The following AKAP6 variants were observed in gnomAD, a reference collection of about 807,000 sequenced individuals.
AKAP6 encodes A-kinase anchor protein 6.
In AKAP6, 58 loss-of-function variants were observed where a neutral mutation model predicts 188.5. The observed-to-expected ratio is 0.31, with a 90% confidence interval of 0.25 to 0.38. AKAP6 has a LOEUF of 0.38. Ranked by LOEUF, AKAP6 falls within the 10% of genes least tolerant of loss-of-function variation. The pLI, the probability that AKAP6 is intolerant of heterozygous loss-of-function variation, is 1.00. For missense variants in AKAP6, 2,710 were observed against 2,740.0 expected, an observed-to-expected ratio of 0.99 and a Z score of 0.24; for synonymous variants, 989 against 998.6, an observed-to-expected ratio of 0.99 and a Z score of 0.18.
chr14:32,442,542 T>A (rs890717304), intron 2 of AKAP6: 3 of 151,778 alleles, frequency 2.0e-5, no homozygotes, highest in African/African-American at 7.3e-5. Context: ...AGGCTGGAAA[T>A]GGAGCAGGTC....
chr14:32,584,026 C>T (rs552256391), intron 5 of AKAP6, among the ~76,000 whole-genome samples: 7 of 152,310 alleles, frequency 4.6e-5, no homozygotes, highest in East Asian at 1.9e-4. Flanking sequence ...GAGATGAACC[C>T]GGTGCCTCAG....
chr14:32,549,015 A>G (rs1051896834), intron 4 of AKAP6, among the ~76,000 whole-genome samples: 8 of 152,198 alleles, frequency 5.3e-5, no homozygotes, highest in African/African-American at 1.9e-4. Context: ...AACCTGGAGG[A>G]AGAAAATGCA....
chr14:32,653,527 T>C (rs1311220801), intron 7 of AKAP6, among the ~76,000 whole-genome samples: 1 of 152,120 alleles, frequency 6.6e-6, no homozygotes, highest in Non-Finnish European at 1.5e-5. Context: ...TCCACCATGA[T>C]TGTAAGTTTC....
At chr14:32,537,936 G>A (rs1047726351) in intron 3 of AKAP6, among the ~76,000 whole-genome samples, 3 of 152,138 alleles carry the variant, frequency 2.0e-5, no homozygotes, top group Admixed American at 6.5e-5. Context: ...CTCACAACAC[G>A]AACTCAGCAA....
chr14:32,804,319 C>A (rs552489105), intron 12 of AKAP6, among the ~76,000 whole-genome samples: 1 of 152,294 alleles, frequency 6.6e-6, no homozygotes, highest in East Asian at 1.9e-4. Flanking sequence ...AGGCACATAA[C>A]CTTTCTCATT....
chr14:32,693,494 A>G (rs1212876526), intron 8 of AKAP6: 1 of 152,186 alleles, frequency 6.6e-6, no homozygotes, highest in African/African-American at 2.4e-5. Context: ...TCTGTCTACA[A>G]CATCCCCACT....
intron 9 of AKAP6, among the ~76,000 whole-genome samples, chr14:32,706,738 G>C (rs112957819): frequency 7.9e-5 from 12 of 152,108 alleles, no homozygotes; most frequent in African/African-American, 2.9e-4. Context: ...AGGCACACTG[G>C]GGTAAGCAAA....
chr14:32,388,111 A>G (rs1888593173), intron 1 of AKAP6, among the ~76,000 whole-genome samples: 1 of 151,924 alleles, frequency 6.6e-6, no homozygotes, highest in Non-Finnish European at 1.5e-5. Context: ...CATCTCTTCT[A>G]GGTTTTCTAG....
intron 5 of AKAP6, among the ~76,000 whole-genome samples, chr14:32,596,315 T>C (rs903549440): frequency 6.6e-6 from 1 of 152,230 alleles, no homozygotes; most frequent in Non-Finnish European, 1.5e-5. Flanking sequence ...TTATTTTATC[T>C]GCTTTGCAAA....
intron 4 of AKAP6, among the ~76,000 whole-genome samples, chr14:32,562,022 G>A (rs1005293933): frequency 6.6e-6 from 1 of 152,150 alleles, no homozygotes; most frequent in African/African-American, 2.4e-5. Context: ...AGAATGATAG[G>A]CTTGAATTTT....
intron 6 of AKAP6, 62 bp downstream of exon 6, chr14:32,599,568 T>C: frequency 7.7e-7 from 1 of 1,298,598 alleles, no homozygotes; most frequent in Non-Finnish European, 1.1e-6. Context: ...TGAAGAAGCA[T>C]TGCTGTAAAT....
At chr14:32,432,933 G>A (rs912046594) in intron 1 of AKAP6, among the ~76,000 whole-genome samples, 2 of 152,116 alleles carry the variant, frequency 1.3e-5, no homozygotes, top group African/African-American at 2.4e-5. Context: ...CCCGTCATAC[G>A]CAAAGGCCTC....
rs1049173759 is a variant in AKAP6, at chr14:32,568,813, T to C, written c.2347-8307T>C. Among the ~76,000 whole-genome samples the C allele has an allele frequency of 6.6e-6, 1 of 152,212 alleles. No homozygotes were observed. The highest frequency in any genetic ancestry group is 2.4e-5 in the African/African-American group (1 of 41,456). On this transcript the variant is annotated intron_variant, in intron 4 of 13. Coordinates refer to ENST00000280979, the MANE Select transcript of AKAP6 (RefSeq NM_004274.5). The surrounding 1 kb of genome is among the most constrained non-coding windows in gnomAD (Gnocchi z 6.2). ...TTGTAAGGATTATGTAAGTGCCTGG[T>C]GTGTAGTAAGTGCTCAGTTAATGTT...
intron 4 of AKAP6, among the ~76,000 whole-genome samples, chr14:32,575,125 G>A (rs1000508029): frequency 2.6e-5 from 4 of 152,100 alleles, no homozygotes; most frequent in Non-Finnish European, 5.9e-5. Context: ...TTGAGTAAGT[G>A]TAACTTCGAT....
At chr14:32,667,233 CA>C (rs1347356183) in intron 7 of AKAP6, among the ~76,000 whole-genome samples, 1 of 151,836 alleles carries the variant, frequency 6.6e-6, no homozygotes, top group Admixed American at 6.6e-5. Context: ...AGCTGAATGC[CA>C]AAAACAACAG....
chr14:32,546,167 T>A lies in AKAP6; in HGVS notation c.1514T>A (p.Val505Glu). The A allele has an allele frequency of 6.2e-7, 1 of 1,613,860 alleles. No individual in the cohort carries two copies. The highest frequency in any genetic ancestry group is 8.5e-7 in the Non-Finnish European group (1 of 1,179,976). ...LKKPHKTSEE[V>E]PPCRTPKRGT... ...AAGCCACACAAGACCTCAGAAGAGG[T>A]GCCTCCATGCCGAACACCTAAACGG... Residue 505 changes from valine (V) to glutamate (E), a missense_variant, in exon 4 of 14, where the codon GTG (valine) becomes GAG (glutamate). Val to Glu is a moderately radical substitution (Grantham distance 121). Coordinates refer to ENST00000280979, the MANE Select transcript of AKAP6 (RefSeq NM_004274.5).
At chr14:32,523,390 T>C (rs1425474422) in intron 2 of AKAP6, among the ~76,000 whole-genome samples, 1 of 151,972 alleles carries the variant, frequency 6.6e-6, no homozygotes, top group Non-Finnish European at 1.5e-5. Flanking sequence ...TAGGCACCGC[T>C]GACCAGCAAT....
intron 1 of AKAP6, among the ~76,000 whole-genome samples, chr14:32,342,381 C>G (rs1398209057): frequency 5.3e-5 from 8 of 152,164 alleles, no homozygotes; most frequent in African/African-American, 1.9e-4. Flanking sequence ...TCTTCCATGT[C>G]TACCCTCACC....
At chr14:32,794,743 G>A (rs752277426) in intron 12 of AKAP6, among the ~76,000 whole-genome samples, 1 of 152,034 alleles carries the variant, frequency 6.6e-6, no homozygotes, top group African/African-American at 2.4e-5. Context: ...ACTAGAGAAC[G>A]AAGAACAAGC....
Sources: allele counts gnomAD v4.1 joint callset (sites outside exome capture counted in the v4.1 genomes callset), GRCh38; gene constraint gnomAD v4.1.1; non-coding constraint Gnocchi (gnomAD v3.1); transcripts MANE v1.5; gene names NCBI Gene and HGNC (gene_info 2026-07-23, HGNC 2026-07-21).